The following MYO19 variants were observed in gnomAD, a reference collection of about 807,000 sequenced individuals.
MYO19 encodes myosin XIX.
A neutral mutation model predicts 129.2 loss-of-function variants in MYO19; 132 were observed. The observed-to-expected ratio is 1.02, with a 90% CI of 0.89 to 1.18. The LOEUF is 1.18. Among genes scored for constraint, MYO19 ranks in the 50% most tolerant of loss-of-function variants. MYO19 has a pLI of 0.00. For synonymous variants in MYO19, 531 were observed against 477.2 expected, an observed-to-expected ratio of 1.11 and a Z score of -1.47; for missense variants, 1,210 against 1,216.7, an observed-to-expected ratio of 0.99 and a Z score of 0.08.
intron 11 of MYO19, among the ~76,000 whole-genome samples, chr17:36,512,016 C>T (rs977963403): frequency 5.3e-5 from 8 of 152,268 alleles, no homozygotes; most frequent in African/African-American, 1.9e-4. Context: ...GGGCTATAGA[C>T]AGAAGCTCCC....
rs372683239 is a variant in MYO19, at chr17:36,528,186, G to A, written c.29C>T (p.Pro10Leu). 74 of 1,588,980 alleles carry A rather than the reference G, an allele frequency of 4.7e-5. No homozygotes were observed. In the African/African-American group the frequency reaches 7.8e-4, roughly 17 times the overall value. ...CTCCCTGGCTTGGCCATCAGACCCCGGATTGTGGCCATTGACCTGGAAGAG... is the reference window on the plus strand; with the variant it reads ...CTCCCTGGCTTGGCCATCAGACCCCAGATTGTGGCCATTGACCTGGAAGAG... MLQQVNGHN[P>L]GSDGQAREYL... is the part of the protein sequence containing the mutation. Residue 10 changes from proline to leucine, a missense_variant, in exon 4 of 26, where the codon CCG becomes CTG. Physicochemically the swap from Pro to Leu is moderately conservative, Grantham distance 98. Coordinates refer to ENST00000614623, the MANE Select transcript of MYO19 (RefSeq NM_001163735.2).
intron 6 of MYO19, 78 bp downstream of exon 6, chr17:36,525,150 A>G: frequency 9.5e-7 from 1 of 1,053,080 alleles, no homozygotes; most frequent in East Asian, 2.4e-5. Flanking sequence ...CTCCACAAGG[A>G]AGGCCAAGGA....
At chr17:36,500,984 G>A in intron 22 of MYO19, 25 bp from the exon 23 acceptor site, 5 of 1,607,436 alleles carry the variant, frequency 3.1e-6, no homozygotes, top group Non-Finnish European at 8.5e-7. Flanking sequence ...ATCCATTGAG[G>A]GCAGCCTCTT....
upstream of MYO19, chr17:36,535,028 T>TGG (rs1186406268): frequency 4.6e-5 from 7 of 152,460 alleles, no homozygotes; most frequent in East Asian, 1.4e-3. Flanking sequence ...CCGGGACGCC[T>TGG]GGTCCGGCTT....
chr17:36,530,291 T>C (rs1225786619), intron 3 of MYO19, among the ~76,000 whole-genome samples: 1 of 152,152 alleles, frequency 6.6e-6, no homozygotes, highest in Admixed American at 6.5e-5. Context: ...GGCAACAAAG[T>C]GAGACCCTGT....
intron 6 of MYO19, among the ~76,000 whole-genome samples, chr17:36,523,182 C>CAAAAAAAAAAAAAAAAACAAAAAA (rs2073254630): frequency 9.7e-6 from 1 of 103,444 alleles, no homozygotes; most frequent in Non-Finnish European, 2.0e-5. Context: ...AACCCTGTCT[C>CAAAAAAAAAAAAAAAAACAAAAAA]AAAAAAAAAA....
rs775510930 is a variant in MYO19 at position 36,528,187 on chromosome 17, G to A, written c.28C>T (p.Pro10Ser). The change falls in exon 4 of 26, where the codon CCG (proline) becomes TCG (serine). Residue 10 changes from proline to serine, a missense_variant. Transcript: ENST00000614623. ...TCCCTGGCTTGGCCATCAGACCCCG[G>A]ATTGTGGCCATTGACCTGGAAGAGA... MLQQVNGHN[P>S]GSDGQAREYL... 2 of 1,588,248 alleles carry A rather than the reference G, an allele frequency of 1.3e-6. No homozygotes were observed. Among genetic ancestry groups the A allele is most frequent in the East Asian group, 4.6e-5 (2 of 43,886 alleles).
chr17:36,521,549 T>C (rs187930173), intron 6 of MYO19, among the ~76,000 whole-genome samples: 1,934 of 152,206 alleles, frequency 0.013, 12 homozygotes, highest in Non-Finnish European at 0.02. Context: ...TTATTAGATA[T>C]AACACAAAAA....
chr17:36,544,471 G>A (rs1377046116), upstream of MYO19, among the ~76,000 whole-genome samples: 2 of 152,088 alleles, frequency 1.3e-5, no homozygotes, highest in Non-Finnish European at 2.9e-5. Context: ...ACTGCCTTCC[G>A]CCCCCTCTGA....
intron 19 of MYO19, 87 bp from the exon 20 acceptor site, chr17:36,504,107 C>T (rs1021043746): frequency 1.8e-6 from 2 of 1,117,510 alleles, no homozygotes; most frequent in African/African-American, 3.2e-5. Flanking sequence ...CTTCTTAGAC[C>T]CTGGCCAGTG....
intron 6 of MYO19, among the ~76,000 whole-genome samples, chr17:36,520,714 TTTC>T (rs1324759674): frequency 2.6e-5 from 4 of 152,358 alleles, no homozygotes; most frequent in South Asian, 2.1e-4. Flanking sequence ...TCCTTCTGAC[TTTC>T]TTAATTTCAT....
chr17:36,527,525 G>A, intron 5 of MYO19, 26 bp downstream of exon 5: 1 of 1,608,656 alleles, frequency 6.2e-7, no homozygotes, highest in Middle Eastern at 1.7e-4. Flanking sequence ...GGAGCCCTGA[G>A]GCCACAGGCA....
Position 36,506,501 on chromosome 17 carries a change from A to G in MYO19, c.1752T>C (p.Pro584=), listed in dbSNP as rs752453919. 1.2e-6 allele frequency: 2 copies of G among 1,611,508 alleles called. No homozygotes were observed. The highest frequency in any genetic ancestry group is 1.1e-5 in the South Asian group (1 of 90,810). ...NPKEKTQEEP[P]GQSRAPVLTV... is the part of the protein sequence containing the mutation. ...TCAACACAGGGGCCCTGCTCTGGCC[A>G]GGGGGTTCCTCCTGGGTCTTCTCTT... Residue 584 remains proline, a synonymous_variant, in exon 18 of 26, where the codon CCT becomes CCC. Transcript: ENST00000614623.
intron 6 of MYO19, among the ~76,000 whole-genome samples, chr17:36,522,468 C>T (rs951401412): frequency 6.6e-6 from 1 of 151,822 alleles, no homozygotes; most frequent in Admixed American, 6.6e-5. Context: ...CGAGATCACA[C>T]CACCTGCACT....
intron 3 of MYO19, among the ~76,000 whole-genome samples, chr17:36,529,227 A>G (rs1225955268): frequency 6.6e-6 from 1 of 151,758 alleles, no homozygotes. Context: ...TGGCATGATC[A>G]TATCTCACTG....
chr17:36,502,482 A>C (rs137902881), intron 21 of MYO19, among the ~76,000 whole-genome samples: 31 of 151,844 alleles, frequency 2.0e-4, no homozygotes, highest in African/African-American at 5.3e-4. Context: ...TCCAACAAAT[A>C]TTTCCCGACT....
intron 2 of MYO19, among the ~76,000 whole-genome samples, chr17:36,540,665 C>T (rs547686203): frequency 1.3e-5 from 2 of 152,254 alleles, no homozygotes; most frequent in East Asian, 3.9e-4. Context: ...CCACCGCACC[C>T]AACCAGGTGT....
At chr17:36,501,315 C>T (rs990581716) in intron 21 of MYO19, 80 bp from the exon 22 acceptor site, 14 of 1,434,504 alleles carry the variant, frequency 9.8e-6, no homozygotes, top group Admixed American at 6.2e-5. Context: ...CTTTGGCCTC[C>T]CTAGCACTCT....
At position 36,532,620 on chromosome 17, in the gene MYO19, T is replaced by A; in HGVS notation, c.-82A>T. 3 of 1,498,180 alleles carry A rather than the reference T, an allele frequency of 2.0e-6. No individual in the cohort carries two copies. The highest frequency in any genetic ancestry group is 2.7e-6 in the Non-Finnish European group (3 of 1,098,802). 92.8% of individuals were successfully genotyped at this position (1,498,180 alleles called of 1,614,324 possible). On this transcript the variant is annotated 5_prime_UTR_variant, in exon 3 of 26. Coordinates refer to ENST00000614623, the MANE Select transcript of MYO19 (RefSeq NM_001163735.2). ...TCCACCTAGTCATGGGACCATGGGCTGGGGTATGGTTCCAACAAAGGGCTC... is the reference window on the plus strand; with the variant it reads ...TCCACCTAGTCATGGGACCATGGGCAGGGGTATGGTTCCAACAAAGGGCTC...
Sources: allele counts gnomAD v4.1 joint callset (sites outside exome capture counted in the v4.1 genomes callset), GRCh38; gene constraint gnomAD v4.1.1; transcripts MANE v1.5; gene names NCBI Gene and HGNC (gene_info 2026-07-23, HGNC 2026-07-21).